Variants in TTF1 observed in about 807,000 individuals in gnomAD.
TTF1 encodes the protein transcription termination factor 1.
In TTF1, 64 loss-of-function variants were observed where a neutral mutation model predicts 80.2. The ratio of observed to expected loss-of-function variants is 0.80; its 90% CI spans 0.65 to 0.98. The LOEUF is 0.98. Ranked by LOEUF, TTF1 falls within the 50% of genes least tolerant of loss-of-function variation. The probability of loss-of-function intolerance (pLI) is 0.00; values close to 1 mark genes in which losing one functional copy is unlikely to be tolerated. For synonymous variants in TTF1, 372 were observed against 382.7 expected (o/e 0.97, Z 0.33); for missense variants, 1,023 against 1,086.2 (o/e 0.94, Z 0.82).
chr9:132,401,865 T>C lies in TTF1; in HGVS notation c.957A>G (p.Glu319=). 1.9e-6 allele frequency: 3 copies of C among 1,613,602 alleles called. No individual in the cohort carries two copies. The East Asian group carries it at 6.7e-5, about 36-fold the overall frequency. ...AAGCAGGTGCTGGTATTCCTGCAGT[T>C]TCACCATGCAGGCCCACAGCAGGCC... ...ESRPAVGLHG[E]TAGIPAPAYK... Residue 319 remains glutamate, a synonymous_variant, in exon 2 of 11, where the codon GAA becomes GAG. Transcript: ENST00000334270.
intron 10 of TTF1, among the ~76,000 whole-genome samples, chr9:132,377,997 TGTG>T (rs150895160): frequency 0.098 from 11,281 of 115,582 alleles, 927 homozygotes; most frequent in East Asian, 0.18. Context: ...TGTGAGTGCA[TGTG>T]GTGCGTGTGA....
Position 132,402,684 on chromosome 9 carries a change from C to T in TTF1, c.138G>A (p.Gln46=). ...TCTTTTTCCTCCTAGTTATTTGAGA[C>T]TGTTCATTCACCAGGGAGGAGTCTC... ...IFRDSSLVNE[Q]SQITRRKKRK... The change falls in exon 2 of 11, where the codon CAG becomes CAA. Residue 46 remains glutamine, a synonymous_variant. Coordinates refer to ENST00000334270, the MANE Select transcript of TTF1 (RefSeq NM_007344.4). 6.2e-7 allele frequency: 1 copy of T among 1,614,090 alleles called. No individual in the cohort carries two copies. The highest frequency in any genetic ancestry group is 1.3e-5 in the African/African-American group (1 of 75,022).
Position 132,401,821 on chromosome 9 carries a change from T to G in TTF1, c.1001A>C (p.Lys334Thr). Residue 334 changes from lysine to threonine, a missense_variant, in exon 2 of 11, where the codon AAA becomes ACA. By Grantham distance (78) the Lys-to-Thr change is moderately conservative (BLOSUM62 -1). Coordinates refer to ENST00000334270, the MANE Select transcript of TTF1 (RefSeq NM_007344.4). ...CTGGTGATTGGACTTTTTCTTTTTT[T>G]TCTTAGACTTGTTTTTATAAGCAGG... Reference protein sequence around the residue: ...PAPAYKNKSKKKKKKSNHQEF... With the variant: ...PAPAYKNKSKTKKKKSNHQEF... 1.2e-6 allele frequency: 2 copies of G among 1,614,138 alleles called. No homozygotes were observed. Among genetic ancestry groups the G allele is most frequent in the South Asian group, 1.1e-5 (1 of 91,074 alleles).
rs148200795 is a variant in TTF1, at chr9:132,379,139, A to G, written c.2384T>C (p.Val795Ala). ...TTTAGTTTGAACGTAAGATGGAGGA[A>G]CATCACTTTAGAAAAGGAAAGAAAA... is the stretch of plus-strand genomic sequence containing the variant. Reference protein sequence around the residue: ...WEDLASAIGDVPPSYVQTKFS... With the variant: ...WEDLASAIGDAPPSYVQTKFS... The change falls in exon 10 of 11, where the codon GTT (valine) becomes GCT (alanine). Residue 795 changes from valine to alanine, a missense_variant. Physicochemically the swap from Val to Ala is moderately conservative, Grantham distance 64. Coordinates refer to ENST00000334270, the MANE Select transcript of TTF1 (RefSeq NM_007344.4). 33 of 1,603,680 alleles carry G rather than the reference A, an allele frequency of 2.1e-5. No individual in the cohort carries two copies. In the African/African-American group the frequency reaches 4.3e-4, roughly 21 times the overall value.
intron 5 of TTF1, among the ~76,000 whole-genome samples, chr9:132,395,921 A>G (rs192242731): frequency 1.3e-5 from 2 of 152,380 alleles, no homozygotes; most frequent in East Asian, 1.9e-4. Flanking sequence ...GAAACAAATT[A>G]TAATCCGATA....
intron 5 of TTF1, among the ~76,000 whole-genome samples, chr9:132,392,712 C>A (rs1849582777): frequency 1.3e-5 from 2 of 152,174 alleles, no homozygotes; most frequent in Non-Finnish European, 1.5e-5. Flanking sequence ...CCAACAGAAA[C>A]ATAATACGAG....
At chr9:132,398,782 G>A (rs1490065253) in intron 3 of TTF1, among the ~76,000 whole-genome samples, 2 of 152,038 alleles carry the variant, frequency 1.3e-5, no homozygotes, top group Non-Finnish European at 2.9e-5. Context: ...GTAAGACGGG[G>A]TCTTGCTGTT....
At chr9:132,379,580 C>T (rs1389732940) in intron 9 of TTF1, among the ~76,000 whole-genome samples, 1 of 152,172 alleles carries the variant, frequency 6.6e-6, no homozygotes, top group African/African-American at 2.4e-5. Context: ...GACGAGGAAA[C>T]TGAGGCACAG....
At chr9:132,401,248 C>G (rs912180014) in intron 2 of TTF1, among the ~76,000 whole-genome samples, 17 of 152,158 alleles carry the variant, frequency 1.1e-4, no homozygotes, top group Admixed American at 9.2e-4. Context: ...ATCGCTTGAA[C>G]CCGGGAAGTG....
chr9:132,378,928 G>T, intron 10 of TTF1, 131 bp downstream of exon 10: 1 of 608,786 alleles, frequency 1.6e-6, no homozygotes, highest in African/African-American at 1.9e-5. Flanking sequence ...ATTATAATCT[G>T]CCTGTTTCCA....
intron 9 of TTF1, among the ~76,000 whole-genome samples, chr9:132,385,045 T>C (rs142194372): frequency 6.6e-6 from 1 of 152,316 alleles, no homozygotes; most frequent in Non-Finnish European, 1.5e-5. Context: ...TTTTTCCTTA[T>C]GGGTGGGGCA....
At chr9:132,389,905 G>A (rs1373879330) in intron 7 of TTF1, among the ~76,000 whole-genome samples, 1 of 152,218 alleles carries the variant, frequency 6.6e-6, no homozygotes, top group African/African-American at 2.4e-5. Flanking sequence ...CATTAGAAGG[G>A]TGGAGCTGCT....
intron 5 of TTF1, among the ~76,000 whole-genome samples, 160 bp from the exon 6 acceptor site, chr9:132,392,366 T>TACA (rs1849575479): frequency 6.6e-6 from 1 of 152,154 alleles, no homozygotes; most frequent in Non-Finnish European, 1.5e-5. Flanking sequence ...GTCTCACTGG[T>TACA]GGTCATCCTA....
At position 132,376,072 on chromosome 9, in the gene TTF1, G is replaced by C. The variant is rs143380146; in HGVS notation, c.2561C>G (p.Ala854Gly). ...EKKGTKIQTP[A>G]APKQVFPFRD... ...AAATGGGAAAACTTGCTTGGGTGCTGCAGGAGTCTGGATTTTAGTGCCTTT... is the reference window on the plus strand; with the variant it reads ...AAATGGGAAAACTTGCTTGGGTGCTCCAGGAGTCTGGATTTTAGTGCCTTT... The change falls in exon 11 of 11, where the codon GCA becomes GGA. Residue 854 changes from alanine (A) to glycine (G), a missense_variant. Ala to Gly is a moderately conservative substitution (Grantham distance 60). Coordinates refer to ENST00000334270, the MANE Select transcript of TTF1 (RefSeq NM_007344.4). 32 of 1,614,090 alleles carry C rather than the reference G, an allele frequency of 2.0e-5. No homozygotes were observed. In the Admixed American group the frequency reaches 4.2e-4, roughly 21 times the overall value.
intron 1 of TTF1, among the ~76,000 whole-genome samples, chr9:132,405,748 A>G (rs1849853953): frequency 6.6e-6 from 1 of 152,204 alleles, no homozygotes; most frequent in Non-Finnish European, 1.5e-5. Context: ...AGGTAAGTCC[A>G]TGCCCACCTC....
At chr9:132,377,601 T>C in intron 10 of TTF1, among the ~76,000 whole-genome samples, 1 of 67,580 alleles carries the variant, frequency 1.5e-5, no homozygotes, top group East Asian at 4.4e-4. Context: ...GCATGTGGTG[T>C]GTGTGTGAAT....
At position 132,401,328 on chromosome 9, in the gene TTF1, AAAAT is replaced by A. The variant is rs552964531; in HGVS notation, c.1367+123_1367+126del. ...ACAATAAGAGCAAATCTCCACCTCA[AAAAT>A]AAATAAATAAATAAATAAAAATAAA... On this transcript the variant is annotated intron_variant, in intron 2 of 10. Transcript: ENST00000334270. The A allele has an allele frequency of 1.1e-3, 1,025 of 905,320 alleles. 3 individuals are homozygous for A. The highest frequency in any genetic ancestry group is 0.011 in the African/African-American group (648 of 57,406). 56.1% of individuals were successfully genotyped at this position (905,320 alleles called of 1,614,324 possible).
At chr9:132,399,663 G>T (rs1849723408) in intron 3 of TTF1, among the ~76,000 whole-genome samples, 1 of 152,122 alleles carries the variant, frequency 6.6e-6, no homozygotes, top group Non-Finnish European at 1.5e-5. Flanking sequence ...ATATCTTGGA[G>T]AAAGAAACGA....
chr9:132,399,010 A>G (rs1054887393), intron 3 of TTF1, among the ~76,000 whole-genome samples: 5 of 152,008 alleles, frequency 3.3e-5, no homozygotes, highest in Non-Finnish European at 1.5e-5. Context: ...AGCCTGGTCA[A>G]TAATATGGTG....
Sources: gnomAD v4.1 joint callset for allele counts (sites outside exome capture counted in the v4.1 genomes callset) on GRCh38, gnomAD v4.1.1 for gene constraint, MANE v1.5 for transcripts, NCBI Gene and HGNC (gene_info 2026-07-23, HGNC 2026-07-21) for gene names.